The following COL8A1 variants were observed in gnomAD, a reference collection of about 807,000 sequenced individuals.
COL8A1 encodes the protein collagen type VIII alpha 1 chain, also known as collagen alpha-1(VIII) chain.
A neutral mutation model predicts 42.7 loss-of-function variants in COL8A1; 21 were observed. The ratio of observed to expected loss-of-function variants is 0.49; its 90% CI spans 0.35 to 0.71. The LOEUF is 0.71. Ranked by LOEUF, COL8A1 falls within the 30% of genes least tolerant of loss-of-function variation. The probability of loss-of-function intolerance (pLI) is 0.01; values close to 1 mark genes in which losing one functional copy is unlikely to be tolerated. For synonymous variants in COL8A1, 367 were observed against 369.1 expected (o/e 0.99, Z 0.06); for missense variants, 788 against 962.4 (o/e 0.82, Z 2.40).
Position 99,790,678 on chromosome 3 carries a change from AG to A in COL8A1, c.-3del. 6.2e-7 allele frequency: 1 copy of A among 1,612,956 alleles called. No individual in the cohort carries two copies. The highest frequency in any genetic ancestry group is 8.5e-7 in the Non-Finnish European group (1 of 1,179,220). ...AAGTTGGTGCATTGGTTCCTCCCAC[AG>A]GTGATGGCTGTGCTGCCTGGCCCTC... On this transcript the variant is annotated splice_acceptor_variant, in intron 2 of 3. Transcript: ENST00000652472. LOFTEE classifies it low-confidence loss of function (5UTR_SPLICE).
intron 2 of COL8A1, among the ~76,000 whole-genome samples, chr3:99,789,798 A>G (rs1941965759): frequency 6.6e-6 from 1 of 152,238 alleles, no homozygotes; most frequent in South Asian, 2.1e-4. Flanking sequence ...TTTCTTTCAC[A>G]AAAGGACAAA....
At chr3:99,729,067 C>A (rs911987402) in intron 1 of COL8A1, among the ~76,000 whole-genome samples, 1 of 151,958 alleles carries the variant, frequency 6.6e-6, no homozygotes, top group Non-Finnish European at 1.5e-5. Context: ...ATTTCCTCAA[C>A]AAGAATGAGG....
chr3:99,773,837 A>ATATTATATATATATATATATATATTT (rs1200212756), intron 2 of COL8A1, among the ~76,000 whole-genome samples: 4 of 45,398 alleles, frequency 8.8e-5, no homozygotes, highest in Non-Finnish European at 1.4e-4. Flanking sequence ...ATATATATAT[A>ATATTATATATATATATATATATATTT]TTTTTTTTTT....
At chr3:99,766,752 C>A (rs1180001530) in intron 2 of COL8A1, among the ~76,000 whole-genome samples, 1 of 152,100 alleles carries the variant, frequency 6.6e-6, no homozygotes, top group East Asian at 1.9e-4. Context: ...GAGTTCGAGA[C>A]CAGCCTGACC....
intron 1 of COL8A1, among the ~76,000 whole-genome samples, chr3:99,700,873 G>C (rs900123664): frequency 4.6e-5 from 7 of 151,968 alleles, no homozygotes; most frequent in African/African-American, 1.7e-4. Flanking sequence ...CCACGTTCTG[G>C]TTACTTTCTG....
At chr3:99,655,630 C>G (rs537937092) in intron 1 of COL8A1, among the ~76,000 whole-genome samples, 1 of 152,278 alleles carries the variant, frequency 6.6e-6, no homozygotes, top group South Asian at 2.1e-4. Context: ...TTTCATTTAT[C>G]TAAAATTCTA....
intron 2 of COL8A1, among the ~76,000 whole-genome samples, chr3:99,757,947 T>C (rs1941287038): frequency 6.6e-6 from 1 of 152,200 alleles, no homozygotes; most frequent in Admixed American, 6.6e-5. Context: ...TTTGTATAAG[T>C]TATTCTAAAG....
intron 1 of COL8A1, among the ~76,000 whole-genome samples, chr3:99,673,961 A>G (rs1181353704): frequency 6.6e-6 from 1 of 152,116 alleles, no homozygotes; most frequent in Non-Finnish European, 1.5e-5. Flanking sequence ...AGTTCCCCAT[A>G]CATGTTACAT....
intron 2 of COL8A1, among the ~76,000 whole-genome samples, chr3:99,770,033 C>T (rs1374562598): frequency 6.6e-6 from 1 of 152,140 alleles, no homozygotes; most frequent in South Asian, 2.1e-4. Flanking sequence ...TGGGAGCCTT[C>T]AGAAATGAAG....
intron 2 of COL8A1, among the ~76,000 whole-genome samples, chr3:99,758,956 C>G (rs1941312836): frequency 6.6e-6 from 1 of 152,106 alleles, no homozygotes; most frequent in South Asian, 2.1e-4. Flanking sequence ...TATTATTGGC[C>G]TTGACACTTG....
In COL8A1 at chr3:99,794,918, AG is replaced by A; in HGVS notation, c.1020del (p.Leu341TyrfsTer40). On this transcript the variant is annotated frameshift_variant, in exon 4 of 4. Coordinates refer to ENST00000652472, the MANE Select transcript of COL8A1 (RefSeq NM_020351.4). LOFTEE classifies it high-confidence loss of function. This position sits in a 1 kb window ranked among gnomAD's most constrained non-coding sequence, Gnocchi z 4.3. ...GTGGCAAAGGGGAGCAAGGACTGCC[AG>A]GGCTACCAGGACCCCCAGGCCTTCC... ...PGGKGEQGLPGLPGPPGLPGI... is the reference protein window; with the variant it reads ...PGGKGEQGLPXLPGPPGLPGI... 3 of 1,596,890 alleles carry A rather than the reference AG, an allele frequency of 1.9e-6. No homozygotes were observed. Among genetic ancestry groups the A allele is most frequent in the Non-Finnish European group, 2.6e-6 (3 of 1,172,378 alleles).
intron 2 of COL8A1, among the ~76,000 whole-genome samples, chr3:99,746,806 C>G (rs998517225): frequency 4.6e-5 from 7 of 152,044 alleles, no homozygotes; most frequent in Non-Finnish European, 8.8e-5. Context: ...TTCAGGCAGG[C>G]CTGAAGCTTA....
rs746582848 is a variant in COL8A1, at chr3:99,795,639, C to T, written c.1738C>T (p.Pro580Ser). Residue 580 changes from proline to serine, a missense_variant, in exon 4 of 4, where the codon CCC (proline) becomes TCC (serine). This residue lies in a region of COL8A1 where 154 missense variants were observed against 182.3 expected (regional missense o/e 0.84). Transcript: ENST00000652472. ...AGCTGTGATGCCCCCTACACCACCA[C>T]CCCAGGGAGAGTATCTGCCAGATAT... is the stretch of plus-strand genomic sequence containing the variant. ...PPAVMPPTPP[P>S]QGEYLPDMGL... The T allele has an allele frequency of 1.2e-6, 2 of 1,613,894 alleles. No homozygotes were observed. Among genetic ancestry groups the T allele is most frequent in the Non-Finnish European group, 8.5e-7 (1 of 1,179,878 alleles).
At chr3:99,699,862 T>TTTTTAACA (rs1168148590) in intron 1 of COL8A1, among the ~76,000 whole-genome samples, 4 of 152,098 alleles carry the variant, frequency 2.6e-5, no homozygotes, top group Admixed American at 2.6e-4. Flanking sequence ...CATACCGTCT[T>TTTTTAACA]TTTTAACATT....
intron 1 of COL8A1, among the ~76,000 whole-genome samples, chr3:99,704,426 T>C (rs943032197): frequency 1.3e-5 from 2 of 152,046 alleles, no homozygotes; most frequent in Non-Finnish European, 2.9e-5. Context: ...TTTTTTTTTA[T>C]TAAACTTTAA....
intron 1 of COL8A1, among the ~76,000 whole-genome samples, chr3:99,650,533 C>CAA (rs1937811308): frequency 6.6e-6 from 1 of 152,026 alleles, no homozygotes. Flanking sequence ...CTCCCGGGTT[C>CAA]AAGTTATTCT....
intron 1 of COL8A1, among the ~76,000 whole-genome samples, chr3:99,660,667 C>T (rs1390160702): frequency 1.3e-5 from 2 of 152,080 alleles, no homozygotes; most frequent in Non-Finnish European, 2.9e-5. Context: ...TAAAATGGCA[C>T]CATTCATTAA....
At chr3:99,685,168 G>A (rs1441823045) in intron 1 of COL8A1, among the ~76,000 whole-genome samples, 1 of 152,108 alleles carries the variant, frequency 6.6e-6, no homozygotes, top group South Asian at 2.1e-4. Context: ...AACAAATGCA[G>A]ATGATGCAAA....
chr3:99,696,710 G>A (rs1313496243), intron 1 of COL8A1, among the ~76,000 whole-genome samples: 2 of 152,182 alleles, frequency 1.3e-5, no homozygotes, highest in Non-Finnish European at 2.9e-5. Context: ...CGCAATTAAT[G>A]CAGCATCATA....
Sources: gnomAD v4.1 joint callset for allele counts (sites outside exome capture counted in the v4.1 genomes callset) on GRCh38, gnomAD v4.1.1 for gene constraint, gnomAD v4.1.1 regional missense constraint, Gnocchi (gnomAD v3.1) non-coding constraint, MANE v1.5 for transcripts, NCBI Gene and HGNC (gene_info 2026-07-23, HGNC 2026-07-21) for gene names.